Variants in C8orf34 observed in about 807,000 individuals in gnomAD.
The protein encoded by C8orf34 is chromosome 8 open reading frame 34, also known as uncharacterized protein C8orf34.
A neutral mutation model predicts 68.3 loss-of-function variants in C8orf34; 65 were observed. The observed-to-expected ratio is 0.95, with a 90% CI of 0.78 to 1.17. C8orf34 has a LOEUF of 1.17. Ranked by LOEUF, C8orf34 falls within the 50% of genes most tolerant of loss-of-function variation. The pLI, the probability that C8orf34 is intolerant of heterozygous loss-of-function variation, is 0.00. For missense variants in C8orf34, 664 were observed against 655.4 expected, an observed-to-expected ratio of 1.01 and a Z score of -0.14; for synonymous variants, 244 against 241.2, an observed-to-expected ratio of 1.01 and a Z score of -0.11.
intron 10 of C8orf34, among the ~76,000 whole-genome samples, chr8:68,721,979 A>G (rs1156883262): frequency 1.3e-5 from 2 of 152,122 alleles, no homozygotes; most frequent in Admixed American, 6.5e-5. Flanking sequence ...TAGCTAATGC[A>G]ATCGCTTTAT....
intron 7 of C8orf34, chr8:68,535,205 T>C (rs1360009950): frequency 3.1e-6 from 3 of 981,794 alleles, no homozygotes; most frequent in Non-Finnish European, 3.6e-6. Flanking sequence ...GCTAAGTTCT[T>C]GGAAATTTAT....
chr8:68,709,065 TC>T lies in C8orf34; in HGVS notation c.1316del (p.Pro439GlnfsTer14). ...ATACTCCATTCTCCAGATGAAAAAATCCCAGATTCATTCGGTAAGTTTTAAG... is the reference window on the plus strand; with the variant it reads ...ATACTCCATTCTCCAGATGAAAAAATCCAGATTCATTCGGTAAGTTTTAAG... ...LPILHSPDEKIPDSFDSLPGT... is the reference protein window; with the variant it reads ...LPILHSPDEKXPDSFDSLPGT... On this transcript the variant is annotated frameshift_variant, in exon 9 of 14. Transcript: ENST00000518698. LOFTEE classifies it high-confidence loss of function. The T allele has an allele frequency of 6.2e-7, 1 of 1,611,868 alleles. No homozygotes were observed. The highest frequency in any genetic ancestry group is 8.5e-7 in the Non-Finnish European group (1 of 1,178,710).
intron 7 of C8orf34, among the ~76,000 whole-genome samples, chr8:68,632,524 G>C (rs929597041): frequency 6.6e-6 from 1 of 152,158 alleles, no homozygotes; most frequent in Non-Finnish European, 1.5e-5. Flanking sequence ...GCTGGCTGCA[G>C]ATATTTGCAT....
chr8:68,521,245 C>T (rs1014010924), intron 5 of C8orf34, among the ~76,000 whole-genome samples: 5 of 152,238 alleles, frequency 3.3e-5, no homozygotes, highest in Admixed American at 6.5e-5. Flanking sequence ...GTATCATATC[C>T]GAGTCCATGA....
intron 7 of C8orf34, among the ~76,000 whole-genome samples, chr8:68,553,986 GT>G (rs1433945588): frequency 5.3e-5 from 8 of 152,072 alleles, no homozygotes; most frequent in Admixed American, 5.2e-4. Context: ...AAATGAGATA[GT>G]ATAATTAATA....
At chr8:68,374,552 C>T (rs975638911) in intron 1 of C8orf34, among the ~76,000 whole-genome samples, 6 of 152,236 alleles carry the variant, frequency 3.9e-5, no homozygotes, top group Admixed American at 2.0e-4. Flanking sequence ...AATTATTCAA[C>T]GCAAGCTTTG....
chr8:68,769,440 T>G (rs1490702385), intron 10 of C8orf34, among the ~76,000 whole-genome samples: 1 of 152,054 alleles, frequency 6.6e-6, no homozygotes, highest in Admixed American at 6.6e-5. Flanking sequence ...CTTTTCATAT[T>G]TTAGTATTAC....
At chr8:68,351,166 T>C (rs1806496455) in intron 1 of C8orf34, among the ~76,000 whole-genome samples, 1 of 152,070 alleles carries the variant, frequency 6.6e-6, no homozygotes, top group African/African-American at 2.4e-5. Context: ...GGGAATGAAT[T>C]ACCACAACTT....
intron 12 of C8orf34, among the ~76,000 whole-genome samples, chr8:68,803,314 T>C (rs188334241): frequency 2.5e-4 from 38 of 152,138 alleles, no homozygotes; most frequent in African/African-American, 8.9e-4. Context: ...CCCTACTACA[T>C]TGAGTTTATT....
At chr8:68,772,961 C>T (rs935167423) in intron 10 of C8orf34, among the ~76,000 whole-genome samples, 1 of 151,398 alleles carries the variant, frequency 6.6e-6, no homozygotes, top group African/African-American at 2.4e-5. Context: ...TCCTGTCTGC[C>T]TCTCCTTGTA....
At chr8:68,380,118 T>A (rs1183435976) in intron 1 of C8orf34, among the ~76,000 whole-genome samples, 2 of 152,194 alleles carry the variant, frequency 1.3e-5, no homozygotes, top group Non-Finnish European at 2.9e-5. Flanking sequence ...TGCCTTCACC[T>A]CCCAAAGTGC....
intron 6 of C8orf34, among the ~76,000 whole-genome samples, chr8:68,529,381 A>G (rs1255140271): frequency 6.6e-6 from 1 of 152,120 alleles, no homozygotes. Context: ...AGTGTTTGAG[A>G]TTTCATCTCT....
intron 1 of C8orf34, among the ~76,000 whole-genome samples, chr8:68,409,299 C>G (rs1281676169): frequency 2.0e-5 from 3 of 152,114 alleles, no homozygotes; most frequent in Non-Finnish European, 2.9e-5. Context: ...GCATTGTTGT[C>G]AAAGGAGATG....
chr8:68,346,832 A>G (rs1053515383), intron 1 of C8orf34, among the ~76,000 whole-genome samples: 1 of 152,030 alleles, frequency 6.6e-6, no homozygotes, highest in Non-Finnish European at 1.5e-5. Context: ...ACCATAGTTT[A>G]TCCATTTCCC....
intron 1 of C8orf34, among the ~76,000 whole-genome samples, chr8:68,339,185 T>C (rs1048880600): frequency 6.6e-6 from 1 of 152,090 alleles, no homozygotes; most frequent in African/African-American, 2.4e-5. Flanking sequence ...GTTGAATTTA[T>C]AGGTGCTGTT....
intron 11 of C8orf34, among the ~76,000 whole-genome samples, chr8:68,778,569 C>T (rs1823586023): frequency 6.6e-6 from 1 of 152,014 alleles, no homozygotes; most frequent in Non-Finnish European, 1.5e-5. Context: ...TCAACATCTT[C>T]TATTTTTCAA....
chr8:68,353,713 A>C (rs1806623186), intron 1 of C8orf34, among the ~76,000 whole-genome samples: 1 of 150,114 alleles, frequency 6.7e-6, no homozygotes, highest in East Asian at 2.0e-4. Flanking sequence ...GTGGAATGAA[A>C]ATATTGCAAA....
chr8:68,803,265 T>C (rs1000015831), intron 12 of C8orf34, among the ~76,000 whole-genome samples: 1 of 150,792 alleles, frequency 6.6e-6, no homozygotes, highest in Non-Finnish European at 1.5e-5. Context: ...AACAAATTGG[T>C]ACTAAACCAA....
intron 10 of C8orf34, among the ~76,000 whole-genome samples, chr8:68,768,015 TG>T (rs1243003628): frequency 6.6e-6 from 1 of 152,228 alleles, no homozygotes; most frequent in Non-Finnish European, 1.5e-5. Flanking sequence ...GGTACTTGCT[TG>T]ATTTGTCCTT....
Sources: allele counts gnomAD v4.1 joint callset (sites outside exome capture counted in the v4.1 genomes callset), GRCh38; gene constraint gnomAD v4.1.1; transcripts MANE v1.5; gene names NCBI Gene and HGNC (gene_info 2026-07-23, HGNC 2026-07-21).